The following SLC20A2 variants were observed in gnomAD, a reference collection of about 807,000 sequenced individuals.
The protein encoded by SLC20A2 is solute carrier family 20 member 2.
In SLC20A2, 30 loss-of-function variants were observed where a neutral mutation model predicts 61.0. The observed-to-expected ratio is 0.49, with a 90% CI of 0.37 to 0.67. The LOEUF (loss-of-function observed/expected upper bound fraction) is 0.67. SLC20A2 is among the 30% of genes least tolerant of loss of function. SLC20A2 has a pLI of 0.00. For synonymous variants in SLC20A2, 351 were observed against 353.3 expected, an observed-to-expected ratio of 0.99 and a Z score of 0.07; for missense variants, 626 against 866.4, an observed-to-expected ratio of 0.72 and a Z score of 3.48.
At chr8:42,510,178 G>A (rs1281916940) in intron 1 of SLC20A2, among the ~76,000 whole-genome samples, 1 of 152,026 alleles carries the variant, frequency 6.6e-6, no homozygotes, top group African/African-American at 2.4e-5. Context: ...AAAGTACTAA[G>A]GATAGTTACT....
intron 1 of SLC20A2, among the ~76,000 whole-genome samples, chr8:42,489,273 C>T (rs933975442): frequency 6.6e-6 from 1 of 151,966 alleles, no homozygotes; most frequent in African/African-American, 2.4e-5. Flanking sequence ...TCTATCTCTT[C>T]ATGAATATTC....
chr8:42,480,971 T>C (rs936268107), intron 1 of SLC20A2, among the ~76,000 whole-genome samples: 9 of 152,114 alleles, frequency 5.9e-5, no homozygotes, highest in African/African-American at 2.2e-4. Flanking sequence ...CTATATTCAA[T>C]TTATATTCCA....
At chr8:42,484,080 C>T (rs908750280) in intron 1 of SLC20A2, among the ~76,000 whole-genome samples, 1 of 152,326 alleles carries the variant, frequency 6.6e-6, no homozygotes. Context: ...CAACTTACAG[C>T]CCCATATTTC....
intron 5 of SLC20A2, among the ~76,000 whole-genome samples, chr8:42,459,103 G>T (rs1291875422): frequency 2.0e-5 from 3 of 150,764 alleles, no homozygotes; most frequent in Non-Finnish European, 3.0e-5. Flanking sequence ...AAAACCTGTG[G>T]TGTGCTCCTG....
At chr8:42,456,744 A>AC (rs1309052808) in intron 5 of SLC20A2, among the ~76,000 whole-genome samples, 4 of 151,052 alleles carry the variant, frequency 2.6e-5, no homozygotes, top group Non-Finnish European at 4.4e-5. Flanking sequence ...AAAAAAAAAA[A>AC]AAAAAAAAAA....
chr8:42,541,516 A>G (rs1463053263), intron 1 of SLC20A2: 2 of 115,336 alleles, frequency 1.7e-5, no homozygotes, highest in East Asian at 5.4e-4. Context: ...AAAAGGGGAA[A>G]GGAAAAAAAA....
intron 1 of SLC20A2, among the ~76,000 whole-genome samples, chr8:42,481,583 C>G (rs936650511): frequency 6.6e-6 from 1 of 152,106 alleles, no homozygotes; most frequent in Admixed American, 6.5e-5. Flanking sequence ...TCAAAATTGT[C>G]AAGATCAGAT....
intron 1 of SLC20A2, among the ~76,000 whole-genome samples, chr8:42,533,654 CTTTTTTTTTTT>C (rs1162369065): frequency 1.8e-5 from 1 of 55,310 alleles, no homozygotes; most frequent in East Asian, 5.2e-4. Context: ...ATCAACTGTT[CTTTTTTTTTTT>C]TTTTTTTTTT....
At chr8:42,525,479 G>A (rs898533744) in intron 1 of SLC20A2, among the ~76,000 whole-genome samples, 14 of 150,826 alleles carry the variant, frequency 9.3e-5, no homozygotes, top group Admixed American at 7.3e-4. Flanking sequence ...CTACTCAAGA[G>A]GCTGAGGCAG....
intron 5 of SLC20A2, among the ~76,000 whole-genome samples, chr8:42,456,442 A>G (rs1806201062): frequency 6.6e-6 from 1 of 152,148 alleles, no homozygotes; most frequent in Non-Finnish European, 1.5e-5. Flanking sequence ...CCCATATAAA[A>G]TAAGAACAAA....
At chr8:42,539,633 T>A (rs1278095359) in intron 1 of SLC20A2, among the ~76,000 whole-genome samples, 2 of 152,342 alleles carry the variant, frequency 1.3e-5, no homozygotes, top group Admixed American at 1.3e-4. Context: ...TTTTTTTAGT[T>A]TGGTATTGGA....
upstream of SLC20A2, among the ~76,000 whole-genome samples, chr8:42,501,811 C>T (rs1377894581): frequency 6.6e-6 from 1 of 152,196 alleles, no homozygotes; most frequent in Non-Finnish European, 1.5e-5. Flanking sequence ...TGGCAAGAAG[C>T]ATTTTAAGGT....
intron 1 of SLC20A2, among the ~76,000 whole-genome samples, chr8:42,512,435 C>A (rs2131377016): frequency 6.6e-6 from 1 of 151,710 alleles, no homozygotes; most frequent in African/African-American, 2.4e-5. Context: ...ACTGTAACCT[C>A]TGCTTCCTGG....
intron 10 of SLC20A2, among the ~76,000 whole-genome samples, chr8:42,425,526 C>T (rs2976245): frequency 0.024 from 3,629 of 152,324 alleles, 71 homozygotes; most frequent in Middle Eastern, 0.037. Context: ...TCCAACTACA[C>T]GGCAAGTTCC....
At chr8:42,477,868 C>T (rs932080139) in intron 1 of SLC20A2, among the ~76,000 whole-genome samples, 16 of 151,888 alleles carry the variant, frequency 1.1e-4, no homozygotes, top group Non-Finnish European at 8.8e-5. Flanking sequence ...GTGGTAAAGA[C>T]ACTTTGGAAA....
intron 1 of SLC20A2, among the ~76,000 whole-genome samples, chr8:42,495,908 C>T (rs969901786): frequency 9.2e-5 from 14 of 152,182 alleles, no homozygotes; most frequent in African/African-American, 2.4e-5. Context: ...CGCCACCACG[C>T]CCGGCTAATT....
At chr8:42,429,542 T>A (rs1020608347) in intron 9 of SLC20A2, among the ~76,000 whole-genome samples, 2 of 152,214 alleles carry the variant, frequency 1.3e-5, no homozygotes, top group African/African-American at 4.8e-5. Context: ...GGAAGTTCCT[T>A]TAACCCCTGA....
intron 4 of SLC20A2, among the ~76,000 whole-genome samples, chr8:42,461,787 C>G (rs984117988): frequency 6.6e-5 from 10 of 152,118 alleles, no homozygotes; most frequent in Non-Finnish European, 1.5e-4. Flanking sequence ...TTCTTTCTCT[C>G]TCTCCCTCCC....
rs1802750139 is a variant in SLC20A2 at position 42,417,626 on chromosome 8, G to A, written c.*177C>T. The A allele has an allele frequency of 5.4e-6, 3 of 558,076 alleles. No individual in the cohort carries two copies. Among genetic ancestry groups the A allele is most frequent in the South Asian group, 5.4e-5 (2 of 36,964 alleles). 34.6% of individuals were successfully genotyped at this position (558,076 alleles called of 1,614,324 possible). On this transcript the variant is annotated 3_prime_UTR_variant, in exon 11 of 11. Coordinates refer to ENST00000520262, the MANE Select transcript of SLC20A2 (RefSeq NM_001257180.2). ...AGTAGTTAAGTTAGCTCGGGAAGGT[G>A]AGTCTCCGCAGCCTGGGTGAACAGT... is the stretch of plus-strand genomic sequence containing the variant.
Sources: allele counts gnomAD v4.1 joint callset (sites outside exome capture counted in the v4.1 genomes callset), GRCh38; gene constraint gnomAD v4.1.1; transcripts MANE v1.5; gene names NCBI Gene and HGNC (gene_info 2026-07-23, HGNC 2026-07-21).